The following MTAP variants were observed in gnomAD, a reference collection of about 807,000 sequenced individuals.
MTAP encodes S-methyl-5'-thioadenosine phosphorylase.
A neutral mutation model predicts 33.6 loss-of-function variants in MTAP; 33 were observed. That is an observed-to-expected ratio of 0.98 (90% confidence interval 0.74 to 1.31). MTAP has a LOEUF of 1.31. MTAP is among the 40% of genes most tolerant of loss of function. MTAP has a pLI of 0.00. For missense variants in MTAP, 367 were observed against 360.0 expected (o/e 1.02, Z -0.16); for synonymous variants, 148 against 125.7 (o/e 1.18, Z -1.19).
At chr9:21,840,350 A>G (rs150991869) in intron 5 of MTAP, among the ~76,000 whole-genome samples, 7 of 152,364 alleles carry the variant, frequency 4.6e-5, no homozygotes, top group Middle Eastern at 3.4e-3. Flanking sequence ...GGGAAAACCA[A>G]AAGAATTCAA....
At chr9:21,870,639 T>A (rs1054228654), downstream of MTAP, among the ~76,000 whole-genome samples, 2 of 151,936 alleles carry the variant, frequency 1.3e-5, no homozygotes, top group African/African-American at 4.8e-5. Flanking sequence ...TTATAATATA[T>A]TTTAATATAA....
exon 8 of MTAP, chr9:21,936,403 C>T (rs539326574): frequency 2.0e-5 from 3 of 152,202 alleles, no homozygotes; most frequent in African/African-American, 4.8e-5. Context: ...TCAGACTGCT[C>T]TGGGCTACTT....
chr9:21,902,393 T>C (rs1327088172), intron 1 of MTAP, among the ~76,000 whole-genome samples: 1 of 152,254 alleles, frequency 6.6e-6, no homozygotes, highest in East Asian at 1.9e-4. Flanking sequence ...AAGCATCTGG[T>C]ATTTTTAGCT....
At chr9:21,872,629 A>G (rs186739911) in intron 1 of MTAP, among the ~76,000 whole-genome samples, 26 of 152,288 alleles carry the variant, frequency 1.7e-4, no homozygotes, top group Non-Finnish European at 3.1e-4. Flanking sequence ...TCCCTTTTGC[A>G]TAGTATCTTC....
chr9:21,852,379 C>T (rs759470277), intron 5 of MTAP, among the ~76,000 whole-genome samples: 8 of 151,820 alleles, frequency 5.3e-5, no homozygotes, highest in Non-Finnish European at 8.8e-5. Flanking sequence ...GCCGTGGTGG[C>T]GGGTGCCTGT....
chr9:21,855,065 G>C (rs1202252410), intron 6 of MTAP, among the ~76,000 whole-genome samples, 195 bp downstream of exon 6: 1 of 152,196 alleles, frequency 6.6e-6, no homozygotes. Flanking sequence ...TTTTACCCAA[G>C]GATCAGTAGT....
intron 1 of MTAP, among the ~76,000 whole-genome samples, chr9:21,814,551 TAGTTA>T (rs1824430428): frequency 6.6e-6 from 1 of 152,218 alleles, no homozygotes; most frequent in South Asian, 2.1e-4. Flanking sequence ...TTTAACAGTT[TAGTTA>T]ATTTTTATTT....
rs1022386051 is a variant in MTAP at position 21,838,025 on chromosome 9, T to G, written c.450+15T>G. 1 of 1,605,884 alleles carries G rather than the reference T, an allele frequency of 6.2e-7. No homozygotes were observed. Among genetic ancestry groups the G allele is most frequent in the Non-Finnish European group, 8.5e-7 (1 of 1,172,642 alleles). Reference sequence around the variant, plus strand: ...AAACGAGAGAGGTGTGTAGTCTTTCTGGAAGGTGTACCAGAATAAATCATG... The same window carrying G: ...AAACGAGAGAGGTGTGTAGTCTTTCGGGAAGGTGTACCAGAATAAATCATG... On this transcript the variant is annotated intron_variant, in intron 5 of 7. Transcript: ENST00000644715.
chr9:21,869,462 T>G (rs1825903483), downstream of MTAP, among the ~76,000 whole-genome samples: 1 of 152,148 alleles, frequency 6.6e-6, no homozygotes, highest in Non-Finnish European at 1.5e-5. Flanking sequence ...GGTTGCTGCT[T>G]CTTAGTCTCC....
intron 4 of MTAP, among the ~76,000 whole-genome samples, chr9:21,829,971 T>TA (rs1824926810): frequency 6.6e-6 from 1 of 152,196 alleles, no homozygotes; most frequent in African/African-American, 2.4e-5. Flanking sequence ...CTGATGAAGT[T>TA]AAAAAGCCTG....
intron 1 of MTAP, among the ~76,000 whole-genome samples, chr9:21,903,679 A>G (rs1818426280): frequency 6.6e-6 from 1 of 152,168 alleles, no homozygotes; most frequent in Admixed American, 6.5e-5. Context: ...TTATAATGAA[A>G]TGCGAAAAGT....
chr9:21,818,288 C>T lies in MTAP; in HGVS notation c.347+86C>T. The T allele has an allele frequency of 5.2e-6, 4 of 772,214 alleles. No homozygotes were observed. In the South Asian group the frequency reaches 6.2e-5, roughly 12 times the overall value. The allele number at this position is 772,214 out of a possible 1,614,324, so 47.8% of individuals were successfully genotyped here. ...CGACGCGTGGGAACCGGCAGGGCAACTGGGAGGGCAGTGCCACAGACTCGC... is the reference window on the plus strand; with the variant it reads ...CGACGCGTGGGAACCGGCAGGGCAATTGGGAGGGCAGTGCCACAGACTCGC... On this transcript the variant is annotated intron_variant, in intron 4 of 7. Transcript: ENST00000644715.
At chr9:21,812,779 G>A (rs577452861) in intron 1 of MTAP, among the ~76,000 whole-genome samples, 1 of 152,302 alleles carries the variant, frequency 6.6e-6, no homozygotes, top group South Asian at 2.1e-4. Flanking sequence ...TTCTAATAAG[G>A]TATAATGTTA....
chr9:21,918,275 G>A (rs1466064564), intron 1 of MTAP, among the ~76,000 whole-genome samples: 3 of 139,612 alleles, frequency 2.1e-5, no homozygotes, highest in African/African-American at 6.1e-5. Context: ...GCGTGAACCC[G>A]GGAGGCGGAG....
intron 1 of MTAP, among the ~76,000 whole-genome samples, chr9:21,912,960 A>G (rs2118854511): frequency 6.6e-6 from 1 of 152,316 alleles, no homozygotes; most frequent in South Asian, 2.1e-4. Flanking sequence ...TCAATGTACA[A>G]AAATCACAAG....
In MTAP at chr9:21,922,209, G is replaced by A. The variant is rs1818798386; in HGVS notation, c.148-8799G>A. Among the ~76,000 whole-genome samples the A allele has an allele frequency of 6.6e-6, 1 of 151,960 alleles. No individual in the cohort carries two copies. The highest frequency in any genetic ancestry group is 1.5e-5 in the Non-Finnish European group (1 of 68,026). On this transcript the variant is annotated intron_variant, in intron 1 of 1. Transcript: ENST00000577563. The surrounding 1 kb of genome is among the most constrained non-coding windows in gnomAD (Gnocchi z 4.8). ...GACTGGCAAGGGAAAAACGCCTCAA[G>A]TGAGCATGCACACAACTTCAGTAAA...
At chr9:21,888,593 T>A (rs1480584496) in intron 1 of MTAP, among the ~76,000 whole-genome samples, 1 of 152,180 alleles carries the variant, frequency 6.6e-6, no homozygotes, top group African/African-American at 2.4e-5. Flanking sequence ...CTTTTTGAAC[T>A]GTTGTTGGTT....
At chr9:21,867,524 G>T (rs910512973), downstream of MTAP, among the ~76,000 whole-genome samples, 1 of 152,068 alleles carries the variant, frequency 6.6e-6, no homozygotes, top group Admixed American at 6.5e-5. Flanking sequence ...GTCATGATAT[G>T]TTATCCCCTT....
chr9:21,840,112 G>C (rs1021536993), intron 5 of MTAP, among the ~76,000 whole-genome samples: 2 of 152,078 alleles, frequency 1.3e-5, no homozygotes, highest in Middle Eastern at 3.2e-3. Context: ...TATAGTCCCA[G>C]CTACTTGGGA....
Sources: gnomAD v4.1 joint callset for allele counts (sites outside exome capture counted in the v4.1 genomes callset) on GRCh38, gnomAD v4.1.1 for gene constraint, Gnocchi (gnomAD v3.1) non-coding constraint, MANE v1.5 for transcripts, NCBI Gene and HGNC (gene_info 2026-07-23, HGNC 2026-07-21) for gene names.